The following CFAP299 variants were observed in gnomAD, a reference collection of about 807,000 sequenced individuals.
CFAP299 encodes cilia- and flagella-associated protein 299.
CFAP299 carries 21 observed loss-of-function variants against 27.0 expected under a neutral mutation model. The observed-to-expected ratio is 0.78, with a 90% confidence interval of 0.55 to 1.12. CFAP299 has a LOEUF of 1.12. Ranked by LOEUF, CFAP299 falls within the 50% of genes most tolerant of loss-of-function variation. The probability of loss-of-function intolerance (pLI) is 0.00; values close to 1 mark genes in which losing one functional copy is unlikely to be tolerated. For synonymous variants in CFAP299, 104 were observed against 98.1 expected, an observed-to-expected ratio of 1.06 and a Z score of -0.36; for missense variants, 310 against 276.6, an observed-to-expected ratio of 1.12 and a Z score of -0.86.
intron 4 of CFAP299, among the ~76,000 whole-genome samples, chr4:80,936,442 T>G (rs1482507788): frequency 1.3e-5 from 2 of 152,074 alleles, no homozygotes; most frequent in African/African-American, 4.8e-5. Flanking sequence ...CAACACACCA[T>G]GGAACACTAT....
At chr4:80,781,703 T>C (rs899943262) in intron 3 of CFAP299, among the ~76,000 whole-genome samples, 1 of 152,024 alleles carries the variant, frequency 6.6e-6, no homozygotes, top group Non-Finnish European at 1.5e-5. Flanking sequence ...TTAGTAAGTT[T>C]CCTAGTTTAA....
At chr4:80,769,250 A>C (rs534461423) in intron 3 of CFAP299, among the ~76,000 whole-genome samples, 19 of 152,296 alleles carry the variant, frequency 1.2e-4, no homozygotes, top group African/African-American at 4.6e-4. Flanking sequence ...GTATGACATG[A>C]GTATTACCCT....
At chr4:80,760,836 G>A (rs1725507936) in intron 3 of CFAP299, among the ~76,000 whole-genome samples, 1 of 152,062 alleles carries the variant, frequency 6.6e-6, no homozygotes, top group Non-Finnish European at 1.5e-5. Flanking sequence ...CTGAGCAATG[G>A]GACATTTAAA....
At chr4:80,354,059 T>C (rs745627331) in intron 1 of CFAP299, among the ~76,000 whole-genome samples, 1 of 152,180 alleles carries the variant, frequency 6.6e-6, no homozygotes, top group Non-Finnish European at 1.5e-5. Flanking sequence ...ATATATTTAT[T>C]ACACACACAA....
intron 3 of CFAP299, among the ~76,000 whole-genome samples, chr4:80,757,646 T>A (rs1464195002): frequency 2.0e-5 from 3 of 152,228 alleles, no homozygotes; most frequent in African/African-American, 4.8e-5. Flanking sequence ...AAGTTAATGT[T>A]GACATTATTT....
chr4:80,848,508 A>G (rs2110145576), intron 3 of CFAP299, among the ~76,000 whole-genome samples: 1 of 152,274 alleles, frequency 6.6e-6, no homozygotes, highest in South Asian at 2.1e-4. Context: ...AAAAGGCACA[A>G]TAAAAATATA....
At chr4:80,393,584 T>C (rs1338431426) in intron 2 of CFAP299, among the ~76,000 whole-genome samples, 3 of 152,348 alleles carry the variant, frequency 2.0e-5, no homozygotes, top group South Asian at 2.1e-4. Flanking sequence ...CAAATACTTA[T>C]TATTGTGTTC....
At chr4:80,536,723 T>C (rs1733755876) in intron 2 of CFAP299, among the ~76,000 whole-genome samples, 1 of 152,034 alleles carries the variant, frequency 6.6e-6, no homozygotes, top group Non-Finnish European at 1.5e-5. Flanking sequence ...CAAAATGAAA[T>C]AAGACTTAAA....
At chr4:80,649,425 T>A (rs1740182617) in intron 3 of CFAP299, among the ~76,000 whole-genome samples, 1 of 152,140 alleles carries the variant, frequency 6.6e-6, no homozygotes, top group Non-Finnish European at 1.5e-5. Context: ...TTTAGAGGGC[T>A]TTGTTTGAAG....
intron 2 of CFAP299, chr4:80,387,280 G>C: frequency 6.2e-7 from 1 of 1,611,398 alleles, no homozygotes; most frequent in Non-Finnish European, 8.5e-7. Flanking sequence ...GGTGGCTCTT[G>C]ATGTGCTCCA....
At chr4:80,833,289 T>C (rs1730394565) in intron 3 of CFAP299, among the ~76,000 whole-genome samples, 2 of 152,170 alleles carry the variant, frequency 1.3e-5, no homozygotes, top group Non-Finnish European at 2.9e-5. Context: ...AGCCCAGGAA[T>C]ATATTAAATA....
intron 4 of CFAP299, among the ~76,000 whole-genome samples, chr4:80,912,097 A>G (rs1735500338): frequency 6.6e-6 from 1 of 152,170 alleles, no homozygotes. Flanking sequence ...ACTTATTGAG[A>G]AAGTTGACTA....
intron 2 of CFAP299, among the ~76,000 whole-genome samples, chr4:80,500,702 C>A (rs1731696575): frequency 6.6e-6 from 1 of 152,088 alleles, no homozygotes; most frequent in South Asian, 2.1e-4. Flanking sequence ...CCATCTGTCT[C>A]ACACGTGCAT....
the CFAP299 span, among the ~76,000 whole-genome samples, chr4:80,324,656 C>G: frequency 6.6e-6 from 1 of 152,138 alleles, no homozygotes; most frequent in African/African-American, 2.4e-5. Context: ...ATCAGGGATA[C>G]TAACACTGAG....
chr4:80,397,504 C>G (rs1725869141), intron 2 of CFAP299, among the ~76,000 whole-genome samples: 1 of 152,136 alleles, frequency 6.6e-6, no homozygotes, highest in Non-Finnish European at 1.5e-5. Flanking sequence ...TTCCTGCTTT[C>G]TCTTGTGGGT....
chr4:80,725,528 A>G (rs977481380), intron 3 of CFAP299, among the ~76,000 whole-genome samples: 2 of 152,104 alleles, frequency 1.3e-5, no homozygotes, highest in African/African-American at 4.8e-5. Flanking sequence ...GGTGAATCTC[A>G]CCATGGGGGT....
At chr4:80,752,454 T>A (rs2110071820) in intron 3 of CFAP299, among the ~76,000 whole-genome samples, 1 of 147,736 alleles carries the variant, frequency 6.8e-6, no homozygotes, top group African/African-American at 2.5e-5. Context: ...ACTATATATA[T>A]AAAATACAAT....
intron 3 of CFAP299, among the ~76,000 whole-genome samples, chr4:80,714,504 T>C (rs537120783): frequency 2.6e-5 from 4 of 152,236 alleles, no homozygotes; most frequent in South Asian, 4.1e-4. Flanking sequence ...TTATCCATTA[T>C]AGCTCCATGA....
At chr4:80,942,184 AC>A (rs1428883773) in intron 4 of CFAP299, among the ~76,000 whole-genome samples, 1 of 152,180 alleles carries the variant, frequency 6.6e-6, no homozygotes, top group African/African-American at 2.4e-5. Flanking sequence ...CTGGAGGTCT[AC>A]CAAGAAAAAT....
Sources: allele counts gnomAD v4.1 joint callset (sites outside exome capture counted in the v4.1 genomes callset), GRCh38; gene constraint gnomAD v4.1.1; transcripts MANE v1.5; gene names NCBI Gene and HGNC (gene_info 2026-07-23, HGNC 2026-07-21).